MOCS1: variants seen among roughly 807,000 people sequenced by gnomAD.
The protein encoded by MOCS1 is molybdenum cofactor biosynthesis protein 1.
Under a neutral mutation model 57.6 loss-of-function variants are expected in MOCS1, and 39 were observed. The ratio of observed to expected loss-of-function variants is 0.68; its 90% CI spans 0.52 to 0.88. The LOEUF (loss-of-function observed/expected upper bound fraction) is 0.88, where lower values mean the gene tolerates loss of function less well. MOCS1 is among the 40% of genes least tolerant of loss of function. The probability of loss-of-function intolerance (pLI) is 0.00; values close to 1 mark genes in which losing one functional copy is unlikely to be tolerated. For missense variants in MOCS1, 795 were observed against 831.1 expected, an observed-to-expected ratio of 0.96 and a Z score of 0.53; for synonymous variants, 334 against 335.7, an observed-to-expected ratio of 1.00 and a Z score of 0.05.
In MOCS1 at chr6:39,907,070, A is replaced by C. The variant is rs539506877; in HGVS notation, c.1198T>G (p.Phe400Val). Residue 400 changes from phenylalanine to valine, a missense_variant, in exon 11 of 11, where the codon TTC (phenylalanine) becomes GTC (valine). Coordinates refer to ENST00000340692, the MANE Select transcript of MOCS1 (RefSeq NM_001358530.2). Reference protein sequence around the residue: ...PNSPPANPSIFSWDPLHVQGL... With the variant: ...PNSPPANPSIVSWDPLHVQGL... ...TGAACATGGAGCGGGTCCCAGGAGA[A>C]AATGCTTGGATTGGCTGGTGGGGAA... is the stretch of plus-strand genomic sequence containing the variant. 54 of 1,613,504 alleles carry C rather than the reference A, an allele frequency of 3.3e-5. 1 individual carries two copies. In the South Asian group the frequency reaches 5.5e-4, roughly 16 times the overall value.
rs1176487418 is a variant in MOCS1 at position 39,913,313 on chromosome 6, T to G, written c.757+4A>C. On this transcript the variant is annotated splice_donor_region_variant and intron_variant, in intron 6 of 10. Coordinates refer to ENST00000340692, the MANE Select transcript of MOCS1 (RefSeq NM_001358530.2). ...CCTCCCTCAACCCATCCCTGGTCAC[T>G]GACCATCAAAGGGCATATACTCTAT... 1 of 1,613,158 alleles carries G rather than the reference T, an allele frequency of 6.2e-7. No homozygotes were observed. The highest frequency in any genetic ancestry group is 8.5e-7 in the Non-Finnish European group (1 of 1,179,104).
chr6:39,927,729 T>C, intron 1 of MOCS1: 1 of 1,525,722 alleles, frequency 6.6e-7, no homozygotes, highest in Non-Finnish European at 8.8e-7. Context: ...GGCAGCAAGG[T>C]GGAGGCAAGG....
intron 2 of MOCS1, 21 bp downstream of exon 2, chr6:39,927,308 G>A (rs769553638): frequency 5.3e-5 from 86 of 1,608,206 alleles, no homozygotes; most frequent in Non-Finnish European, 6.8e-5. Flanking sequence ...AGCCCAGAGA[G>A]GGCCCAGGAA....
chr6:39,906,290 C>T lies in MOCS1; in HGVS notation c.*67G>A, dbSNP rs755856414. The T allele has an allele frequency of 1.3e-6, 2 of 1,590,348 alleles. No individual in the cohort carries two copies. Among genetic ancestry groups the T allele is most frequent in the Non-Finnish European group, 8.6e-7 (1 of 1,161,124 alleles). On this transcript the variant is annotated 3_prime_UTR_variant, in exon 11 of 11. Coordinates refer to ENST00000340692, the MANE Select transcript of MOCS1 (RefSeq NM_001358530.2). Reference sequence around the variant, plus strand: ...GACTGTGATTAAAGGAACCTGACGTCTTTCCCTCAGCCTACATTGCATCCC... The same window carrying T: ...GACTGTGATTAAAGGAACCTGACGTTTTTCCCTCAGCCTACATTGCATCCC...
chr6:39,928,776 G>C (rs1336898005), intron 1 of MOCS1, among the ~76,000 whole-genome samples: 3 of 152,212 alleles, frequency 2.0e-5, no homozygotes, highest in Non-Finnish European at 4.4e-5. Context: ...CAGGGGTGGA[G>C]TGGTAGTGGT....
intron 3 of MOCS1, among the ~76,000 whole-genome samples, chr6:39,918,509 C>A (rs528672702): frequency 6.6e-6 from 1 of 152,296 alleles, no homozygotes; most frequent in Non-Finnish European, 1.5e-5. Context: ...TAACATTTAC[C>A]TACAAGGATG....
intron 3 of MOCS1, among the ~76,000 whole-genome samples, chr6:39,923,749 G>A (rs1304510821): frequency 6.6e-6 from 1 of 152,276 alleles, no homozygotes; most frequent in Non-Finnish European, 1.5e-5. Flanking sequence ...GCTGAAGGGA[G>A]CTGGCCATGG....
At chr6:39,924,891 C>T (rs1408139842) in intron 3 of MOCS1, among the ~76,000 whole-genome samples, 2 of 152,140 alleles carry the variant, frequency 1.3e-5, no homozygotes, top group Admixed American at 1.3e-4. Context: ...CCAGCTTAGC[C>T]AACATGGTGA....
intron 2 of MOCS1, 91 bp downstream of exon 2, chr6:39,927,238 G>C (rs1312195058): frequency 6.7e-7 from 1 of 1,503,596 alleles, no homozygotes; most frequent in Non-Finnish European, 9.2e-7. Context: ...AGAACTGGAG[G>C]ACACAGGAGG....
intron 3 of MOCS1, among the ~76,000 whole-genome samples, chr6:39,919,203 G>C (rs914507044): frequency 1.3e-5 from 2 of 152,146 alleles, no homozygotes; most frequent in Non-Finnish European, 2.9e-5. Flanking sequence ...GTCAACTGGA[G>C]GCCAGGCACG....
At chr6:39,913,030 GGGGA>G (rs1364400536) in intron 6 of MOCS1, 26 bp from the exon 7 acceptor site, 2 of 1,598,008 alleles carry the variant, frequency 1.3e-6, no homozygotes, top group Admixed American at 3.3e-5. Context: ...GGGAAGGCAA[GGGGA>G]GCTTCTGAAT....
intron 1 of MOCS1, among the ~76,000 whole-genome samples, chr6:39,928,535 G>C (rs898743085): frequency 6.6e-6 from 1 of 152,158 alleles, no homozygotes; most frequent in Non-Finnish European, 1.5e-5. Flanking sequence ...ATGACAACTA[G>C]GGTGGGTAGA....
rs754337805 is a variant in MOCS1 at position 39,905,290 on chromosome 6, T to G, written c.*1067A>C. 2.0e-4 allele frequency: 89 copies of G among 454,892 alleles called. No homozygotes were observed. Among genetic ancestry groups the G allele is most frequent in the Non-Finnish European group, 3.7e-4 (85 of 226,970 alleles). The allele number at this position is 454,892 out of a possible 1,614,324, so 28.2% of individuals were successfully genotyped here. A position where few individuals can be genotyped will look rare whatever the true frequency, so the allele number is the denominator to read the frequency against. On this transcript the variant is annotated 3_prime_UTR_variant, in exon 11 of 11. Coordinates refer to ENST00000340692, the MANE Select transcript of MOCS1 (RefSeq NM_001358530.2). ...GCTTTGAACACCCCTGGCCACCACCTGACAAAAGATTTCCCTTAGATGGTG... is the reference window on the plus strand; with the variant it reads ...GCTTTGAACACCCCTGGCCACCACCGGACAAAAGATTTCCCTTAGATGGTG...
At chr6:39,917,456 G>A (rs1296210858) in intron 3 of MOCS1, among the ~76,000 whole-genome samples, 1 of 152,066 alleles carries the variant, frequency 6.6e-6, no homozygotes, top group Non-Finnish European at 1.5e-5. Flanking sequence ...TGGGGACACA[G>A]CCAAACCATT....
intron 2 of MOCS1, among the ~76,000 whole-genome samples, chr6:39,926,317 C>A (rs1768298526): frequency 6.6e-6 from 1 of 152,178 alleles, no homozygotes; most frequent in African/African-American, 2.4e-5. Context: ...TCCTCTGTAG[C>A]TACAAGCATT....
chr6:39,934,239 T>A, intron 1 of MOCS1, 56 bp downstream of exon 1: 1 of 1,477,848 alleles, frequency 6.8e-7, no homozygotes, highest in African/African-American at 1.4e-5. Context: ...AAAAGGGCAG[T>A]GTGCCGGGGC....
intron 3 of MOCS1, among the ~76,000 whole-genome samples, chr6:39,923,392 C>T (rs1768085691): frequency 6.6e-6 from 1 of 152,268 alleles, no homozygotes; most frequent in African/African-American, 2.4e-5. Context: ...TTTCCTGGCT[C>T]CCATTCTTCC....
At position 39,904,754 on chromosome 6, in the gene MOCS1, T is replaced by C. The variant is rs1766727275; in HGVS notation, c.*1603A>G. ...GCCAAGGCTGTTCTCACCAGCTGCC[T>C]CAGATGACAAATGAGGCTAATGGAC... On this transcript the variant is annotated 3_prime_UTR_variant, in exon 11 of 11. Coordinates refer to ENST00000340692, the MANE Select transcript of MOCS1 (RefSeq NM_001358530.2). The C allele has an allele frequency of 4.4e-6, 2 of 454,006 alleles. No individual in the cohort carries two copies. Among genetic ancestry groups the C allele is most frequent in the South Asian group, 1.6e-5 (1 of 64,474 alleles). The allele number at this position is 454,006 out of a possible 1,614,324, so 28.1% of individuals were successfully genotyped here.
At chr6:39,913,612 C>T (rs1183308955) in intron 5 of MOCS1, 162 bp downstream of exon 5, 26 of 998,518 alleles carry the variant, frequency 2.6e-5, no homozygotes, top group South Asian at 5.2e-5. Flanking sequence ...TCTCAAGGGT[C>T]GGCAGGGCTG....
Sources: gnomAD v4.1 joint callset for allele counts (sites outside exome capture counted in the v4.1 genomes callset) on GRCh38, gnomAD v4.1.1 for gene constraint, MANE v1.5 for transcripts, NCBI Gene and HGNC (gene_info 2026-07-23, HGNC 2026-07-21) for gene names.